Variants in LYST observed in about 807,000 individuals in gnomAD.
LYST encodes the protein lysosomal trafficking regulator.
In LYST, 192 loss-of-function variants were observed where a neutral mutation model predicts 413.6. The observed-to-expected ratio is 0.46, with a 90% CI of 0.41 to 0.52. The LOEUF (loss-of-function observed/expected upper bound fraction) is 0.52, where lower values mean the gene tolerates loss of function less well. LYST is among the 20% of genes least tolerant of loss of function. The pLI, the probability that LYST is intolerant of heterozygous loss-of-function variation, is 0.00. For synonymous variants in LYST, 1,525 were observed against 1,567.3 expected, an observed-to-expected ratio of 0.97 and a Z score of 0.64; for missense variants, 3,815 against 4,499.9, an observed-to-expected ratio of 0.85 and a Z score of 4.35.
intron 26 of LYST, among the ~76,000 whole-genome samples, chr1:235,752,723 A>T (rs527589860): frequency 3.9e-5 from 6 of 152,196 alleles, no homozygotes; most frequent in Admixed American, 1.3e-4. Context: ...CTTCAATCTT[A>T]ATCTTGATAA....
chr1:235,852,022 A>G (rs1678598575), intron 1 of LYST, among the ~76,000 whole-genome samples: 1 of 152,198 alleles, frequency 6.6e-6, no homozygotes, highest in Admixed American at 6.5e-5. Context: ...AAATGATAGC[A>G]GTTGTTTAGC....
At chr1:235,774,036 A>C (rs748092187) in intron 18 of LYST, 45 bp from the exon 19 acceptor site, 2 of 1,321,382 alleles carry the variant, frequency 1.5e-6, no homozygotes, top group South Asian at 2.4e-5. Flanking sequence ...GTAATTGGTT[A>C]ATCAGGAAGT....
intron 31 of LYST, chr1:235,738,620 T>C (rs1221467687): frequency 2.5e-6 from 4 of 1,608,456 alleles, no homozygotes; most frequent in Non-Finnish European, 2.5e-6. Flanking sequence ...CAAATGTTAC[T>C]GGTGTCTCCC....
In LYST at chr1:235,719,627, T is replaced by TTA. The variant is rs1553272262; in HGVS notation, c.9560+1033_9560+1034insTA. Among the ~76,000 whole-genome samples, 4 of 137,036 alleles carry TTA rather than the reference T, an allele frequency of 2.9e-5. No homozygotes were observed. In the South Asian group the frequency reaches 9.1e-4, roughly 31 times the overall value. The allele number at this position is 137,036 out of a possible 152,430, so 89.9% of individuals were successfully genotyped here. A position where few individuals can be genotyped will look rare whatever the true frequency, so the allele number is the denominator to read the frequency against. On this transcript the variant is annotated intron_variant, in intron 40 of 52. Transcript: ENST00000389793. Reference sequence around the variant, plus strand: ...CACTCCTCTCAACCATGCAGAATGATAAAAAAAAAAAAAAGGAAAATATAT... The same window carrying TTA: ...CACTCCTCTCAACCATGCAGAATGATTAAAAAAAAAAAAAAAGGAAAATATAT...
At position 235,789,112 on chromosome 1, in the gene LYST, G is replaced by A. The variant is rs537648100; in HGVS notation, c.4544-267C>T. ...ATAATAACTGAGGACAATTGTGGGC[G>A]TAACCAGACCGCTATGTGACAACCT... On this transcript the variant is annotated intron_variant, in intron 12 of 52. Transcript: ENST00000389793. 5.3e-4 allele frequency among the ~76,000 whole-genome samples: 81 copies of A among 152,246 alleles called. No individual in the cohort carries two copies. The South Asian group carries it at 7.3e-3, about 14-fold the overall frequency.
chr1:235,685,344 C>A (rs1318096239), intron 48 of LYST, among the ~76,000 whole-genome samples: 1 of 152,142 alleles, frequency 6.6e-6, no homozygotes, highest in Admixed American at 6.5e-5. Flanking sequence ...GGTGTCCTGG[C>A]TCCCAGTCTC....
At position 235,752,179 on chromosome 1, in the gene LYST, T is replaced by A. The variant is rs773544607; in HGVS notation, c.7461-8A>T. On this transcript the variant is annotated splice_region_variant and splice_polypyrimidine_tract_variant and intron_variant, in intron 26 of 52. Coordinates refer to ENST00000389793, the MANE Select transcript of LYST (RefSeq NM_000081.4). ...TATTCACTCATGGGAATGCTAAAGA[T>A]AACAACAAAAGAAGAAAACAGAACA... 6.3e-7 allele frequency: 1 copy of A among 1,595,326 alleles called. No homozygotes were observed. Among genetic ancestry groups the A allele is most frequent in the Non-Finnish European group, 8.6e-7 (1 of 1,164,676 alleles).
chr1:235,752,966 T>C, intron 26 of LYST, 78 bp downstream of exon 26: 1 of 780,144 alleles, frequency 1.3e-6, no homozygotes, highest in Admixed American at 2.1e-5. Context: ...ACTCATGTAG[T>C]AAAGTAAACT....
chr1:235,773,911 A>C lies in LYST; in HGVS notation c.5715T>G (p.Asn1905Lys). ...ACAGCTTAACATCTTGGATTATAGC[A>C]TTAGAGTCTACATCCAACTTAAACT... ...NGEFKLDVDS[N>K]AIIQDVKLLE... Residue 1905 changes from asparagine (N) to lysine (K), a missense_variant, in exon 19 of 53, where the codon AAT becomes AAG. Physicochemically the swap from Asn to Lys is moderately conservative, Grantham distance 94 (BLOSUM62 0). Transcript: ENST00000389793. The C allele has an allele frequency of 6.2e-7, 1 of 1,604,336 alleles. No individual in the cohort carries two copies. The highest frequency in any genetic ancestry group is 8.5e-7 in the Non-Finnish European group (1 of 1,171,172).
At position 235,840,834 on chromosome 1, in the gene LYST, A is replaced by G. The variant is rs1334101582; in HGVS notation, c.-97-7167T>C. 2.0e-5 allele frequency among the ~76,000 whole-genome samples: 3 copies of G among 152,264 alleles called. No homozygotes were observed. In the East Asian group the frequency reaches 5.8e-4, roughly 29 times the overall value. ...GGATATTTTTTTCTAAAGCAACAGT[A>G]GAATAATATAATTTTATTAAATATC... On this transcript the variant is annotated intron_variant, in intron 1 of 52. Transcript: ENST00000389793.
rs1162663922 is a variant in LYST at position 235,803,032 on chromosome 1, C to T, written c.3588G>A (p.Gln1196=). The change falls in exon 8 of 53, where the codon CAG becomes CAA. Residue 1196 remains glutamine (Q), a synonymous_variant. Transcript: ENST00000389793. Reference sequence around the variant, plus strand: ...CAGCTTCTTCTGAAAAATCACCAGGCTGGGATGACAATTCTTCTGCAGATT... The same window carrying T: ...CAGCTTCTTCTGAAAAATCACCAGGTTGGGATGACAATTCTTCTGCAGATT... ...SHQSAEELSS[Q]PGDFSEEAED... is the part of the protein sequence containing the mutation. 1.2e-6 allele frequency: 2 copies of T among 1,613,012 alleles called. No homozygotes were observed. Among genetic ancestry groups the T allele is most frequent in the African/African-American group, 1.3e-5 (1 of 74,862 alleles).
chr1:235,775,645 C>G (rs543833200), intron 17 of LYST, among the ~76,000 whole-genome samples: 2 of 152,148 alleles, frequency 1.3e-5, no homozygotes, highest in East Asian at 3.9e-4. Context: ...CCATTCTGAT[C>G]CCTCTCTGCT....
chr1:235,666,593 CACACACACACACAT>C (rs1451479792), intron 50 of LYST, among the ~76,000 whole-genome samples: 1 of 131,988 alleles, frequency 7.6e-6, no homozygotes, highest in South Asian at 2.2e-4. Flanking sequence ...CACACATGCA[CACACACACACACAT>C]ACACACACAC....
At chr1:235,850,882 T>C (rs180992512) in intron 1 of LYST, among the ~76,000 whole-genome samples, 8 of 152,228 alleles carry the variant, frequency 5.3e-5, no homozygotes, top group African/African-American at 1.9e-4. Flanking sequence ...ACAGTAGATG[T>C]TGGCATGGAC....
intron 3 of LYST, among the ~76,000 whole-genome samples, chr1:235,819,678 A>G (rs7538654): frequency 0.5 from 75,825 of 152,052 alleles, 22,257 homozygotes; most frequent in African/African-American, 0.82. Context: ...ATGGAGTCTC[A>G]CTCTGCCACC....
Position 235,806,683 on chromosome 1 carries a change from T to A in LYST, c.2453A>T (p.Lys818Ile), listed in dbSNP as rs539543802. ...GCTGATTATCAGAGTTTCAAATGCT[T>A]TTAGAGAATGACTTCGAATACCATT... ...CLNGIRSHSL[K>I]AFETLIISLG... Residue 818 changes from lysine (K) to isoleucine (I), a missense_variant, in exon 6 of 53, where the codon AAA (lysine) becomes ATA (isoleucine). By Grantham distance (102) the Lys-to-Ile change is moderately radical. This residue lies in a region of LYST where 1,648 missense variants were observed against 1,810.3 expected (regional missense o/e 0.91). Coordinates refer to ENST00000389793, the MANE Select transcript of LYST (RefSeq NM_000081.4). 6.2e-7 allele frequency: 1 copy of A among 1,613,650 alleles called. No individual in the cohort carries two copies. Among genetic ancestry groups the A allele is most frequent in the South Asian group, 1.1e-5 (1 of 91,078 alleles).
In LYST at chr1:235,808,517, C is replaced by G; in HGVS notation, c.2301G>C (p.Gln767His). ...AQSHVCSHHN[Q>H]CLPQDVLQIY... ...TCTGAAGCACGTCCTGAGGCAAGCA[C>G]TGGTTATGATGGCTACATACATGAC... is the stretch of plus-strand genomic sequence containing the variant. The change falls in exon 5 of 53, where the codon CAG (glutamine) becomes CAC (histidine). Residue 767 changes from glutamine to histidine, a missense_variant. Physicochemically the swap from Gln to His is conservative, Grantham distance 24 (BLOSUM62 0). Transcript: ENST00000389793. The G allele has an allele frequency of 6.2e-7, 1 of 1,613,728 alleles. No individual in the cohort carries two copies. The highest frequency in any genetic ancestry group is 2.2e-5 in the East Asian group (1 of 44,854).
intron 7 of LYST, among the ~76,000 whole-genome samples, chr1:235,803,432 A>T (rs1672462596): frequency 6.6e-6 from 1 of 152,142 alleles, no homozygotes; most frequent in African/African-American, 2.4e-5. Flanking sequence ...CACATTTGTT[A>T]ATAAAAAAGA....
At chr1:235,865,743 T>C (rs185218339) in intron 1 of LYST, among the ~76,000 whole-genome samples, 2 of 152,346 alleles carry the variant, frequency 1.3e-5, no homozygotes, top group Non-Finnish European at 2.9e-5. Context: ...TTTATTAGCA[T>C]AGATGAATCT....
Sources: allele counts gnomAD v4.1 joint callset (sites outside exome capture counted in the v4.1 genomes callset), GRCh38; gene constraint gnomAD v4.1.1; regional missense constraint gnomAD v4.1.1; transcripts MANE v1.5; gene names NCBI Gene and HGNC (gene_info 2026-07-23, HGNC 2026-07-21).